The following ACOT7 variants were observed in gnomAD, a reference collection of about 807,000 sequenced individuals.
ACOT7 encodes the protein acyl-CoA thioesterase 7.
A neutral mutation model predicts 40.2 loss-of-function variants in ACOT7; 12 were observed. The ratio of observed to expected loss-of-function variants is 0.30; its 90% CI spans 0.19 to 0.48. ACOT7 has a LOEUF of 0.48. Ranked by LOEUF, ACOT7 falls within the 20% of genes least tolerant of loss-of-function variation. ACOT7 has a pLI of 0.99. For synonymous variants in ACOT7, 228 were observed against 219.5 expected (o/e 1.04, Z -0.34); for missense variants, 395 against 530.8 (o/e 0.74, Z 2.51).
intron 3 of ACOT7, among the ~76,000 whole-genome samples, chr1:6,335,662 A>C (rs1641080686): frequency 6.6e-6 from 1 of 152,184 alleles, no homozygotes; most frequent in African/African-American, 2.4e-5. Context: ...TGCCTCCCCA[A>C]GGCAAAGCGC....
At chr1:6,393,113 G>C in intron 1 of ACOT7, 144 bp downstream of exon 1, 1 of 958,494 alleles carries the variant, frequency 1.0e-6, no homozygotes, top group Non-Finnish European at 1.3e-6. Context: ...GCGGGCGTCC[G>C]GGGCGGCGGC....
chr1:6,265,542 G>A (rs962784748), intron 8 of ACOT7, among the ~76,000 whole-genome samples: 5 of 152,216 alleles, frequency 3.3e-5, no homozygotes, highest in Admixed American at 6.5e-5. Flanking sequence ...GGCCCAAGAC[G>A]GGGTTCTGCC....
chr1:6,287,022 G>A (rs978088728), intron 7 of ACOT7, among the ~76,000 whole-genome samples: 1 of 152,212 alleles, frequency 6.6e-6, no homozygotes, highest in African/African-American at 2.4e-5. Flanking sequence ...TCCTGACCTC[G>A]TGATCTGCCT....
chr1:6,305,689 C>T (rs1407969882), intron 6 of ACOT7, among the ~76,000 whole-genome samples: 1 of 151,452 alleles, frequency 6.6e-6, no homozygotes, highest in African/African-American at 2.4e-5. Context: ...GGCAGAGACG[C>T]TCCTCACTTT....
chr1:6,382,367 G>A (rs1222988593), intron 1 of ACOT7, among the ~76,000 whole-genome samples: 1 of 151,890 alleles, frequency 6.6e-6, no homozygotes. Flanking sequence ...TTGTGCCACC[G>A]CACTCCAGCC....
intron 1 of ACOT7, among the ~76,000 whole-genome samples, chr1:6,374,308 T>C (rs1328955448): frequency 6.6e-6 from 1 of 152,170 alleles, no homozygotes; most frequent in Non-Finnish European, 1.5e-5. Context: ...CAGGCACTGG[T>C]TAAAGCCCTC....
At chr1:6,389,342 C>T (rs1642495456) in intron 1 of ACOT7, among the ~76,000 whole-genome samples, 1 of 152,112 alleles carries the variant, frequency 6.6e-6, no homozygotes, top group Non-Finnish European at 1.5e-5. Context: ...AGTTATCTGC[C>T]TGCTGGGTGG....
intron 1 of ACOT7, among the ~76,000 whole-genome samples, chr1:6,373,543 G>A (rs945901113): frequency 6.6e-6 from 1 of 151,502 alleles, no homozygotes; most frequent in Non-Finnish European, 1.5e-5. Context: ...GAGCCACCAC[G>A]CCTGCCCCAA....
At position 6,284,799 on chromosome 1, in the gene ACOT7, C is replaced by G. The variant is rs144034250; in HGVS notation, c.830-3513G>C. Among the ~76,000 whole-genome samples the G allele has an allele frequency of 2.6e-4, 39 of 152,184 alleles. No individual in the cohort carries two copies. The East Asian group carries it at 7.4e-3, about 29-fold the overall frequency. On this transcript the variant is annotated intron_variant, in intron 7 of 8. Transcript: ENST00000361521. ...GCCTCTACAAGGGCCCCTAGCCTGC[C>G]CCCTGCTTTCCACACCCCACCAGAG...
intron 5 of ACOT7, among the ~76,000 whole-genome samples, chr1:6,320,571 C>T (rs745861530): frequency 1.3e-5 from 2 of 152,134 alleles, no homozygotes; most frequent in South Asian, 2.1e-4. Flanking sequence ...GGGACAGAGT[C>T]GGGGGAGGCT....
chr1:6,348,532 G>A (rs893783415), intron 2 of ACOT7, among the ~76,000 whole-genome samples: 3 of 152,138 alleles, frequency 2.0e-5, no homozygotes, highest in Non-Finnish European at 2.9e-5. Flanking sequence ...AGAGAATGGG[G>A]ACAGAGCCCT....
At chr1:6,323,016 G>A (rs1224418740) in intron 5 of ACOT7, among the ~76,000 whole-genome samples, 1 of 152,038 alleles carries the variant, frequency 6.6e-6, no homozygotes, top group Non-Finnish European at 1.5e-5. Context: ...TGTAATCTCA[G>A]CTACTTGGGA....
rs993860084 is a variant in ACOT7, at chr1:6,288,544, G to A, written c.829+6320C>T. Among the ~76,000 whole-genome samples the A allele has an allele frequency of 1.3e-5, 2 of 152,226 alleles. No individual in the cohort carries two copies. The highest frequency in any genetic ancestry group is 2.9e-5 in the Non-Finnish European group (2 of 68,038). On this transcript the variant is annotated intron_variant, in intron 7 of 8. Coordinates refer to ENST00000361521, the MANE Select transcript of ACOT7 (RefSeq NM_007274.4). This position sits in a 1 kb window ranked among gnomAD's most constrained non-coding sequence, Gnocchi z 4.3. The stretch of plus-strand genomic sequence containing the variant: ...TCACGGGGAGCCACGGAGGCTGTGA[G>A]CAGAGGAATAGCAGGTCCCTAGCGT...
intron 6 of ACOT7, among the ~76,000 whole-genome samples, chr1:6,297,099 C>T (rs1639832545): frequency 1.3e-5 from 2 of 151,984 alleles, no homozygotes; most frequent in South Asian, 4.1e-4. Flanking sequence ...AGTGCAGTGG[C>T]ACAATCTCAG....
chr1:6,265,404 A>G (rs1411337260), intron 8 of ACOT7, among the ~76,000 whole-genome samples: 4 of 152,176 alleles, frequency 2.6e-5, no homozygotes, highest in Admixed American at 2.6e-4. Flanking sequence ...TGGGAGCAAT[A>G]GGCCTGCTTT....
chr1:6,361,438 T>C (rs941931562), intron 1 of ACOT7, among the ~76,000 whole-genome samples: 3 of 152,110 alleles, frequency 2.0e-5, no homozygotes, highest in African/African-American at 7.2e-5. Context: ...TCCATTAAGG[T>C]TCACGCAGAA....
At position 6,274,021 on chromosome 1, in the gene ACOT7, GA is replaced by G. The variant is rs1297869372; in HGVS notation, c.1014+7080del. 6.6e-6 allele frequency among the ~76,000 whole-genome samples: 1 copy of G among 152,164 alleles called. No homozygotes were observed. The highest frequency in any genetic ancestry group is 2.4e-5 in the African/African-American group (1 of 41,436). On this transcript the variant is annotated intron_variant, in intron 8 of 8. Coordinates refer to ENST00000361521, the MANE Select transcript of ACOT7 (RefSeq NM_007274.4). This position sits in a 1 kb window ranked among gnomAD's most constrained non-coding sequence, Gnocchi z 5.9. The stretch of plus-strand genomic sequence containing the variant: ...CCTGGTCCGGCCTGGACACGGTCAG[GA>G]ATGGCCACCTCTGCTCCTGAGGCTT...
At chr1:6,374,525 C>T (rs1457355219) in intron 1 of ACOT7, among the ~76,000 whole-genome samples, 2 of 152,228 alleles carry the variant, frequency 1.3e-5, no homozygotes, top group Admixed American at 6.5e-5. Context: ...CTCTGCCTTG[C>T]CCAACATCCT....
In ACOT7 at chr1:6,338,720, G is replaced by A. The variant is rs527563260; in HGVS notation, c.418+713C>T. 3.6e-3 allele frequency among the ~76,000 whole-genome samples: 550 copies of A among 152,254 alleles called. 3 individuals are homozygous for A. Among genetic ancestry groups the A allele is most frequent in the African/African-American group, 0.013 (530 of 41,536 alleles). On this transcript the variant is annotated intron_variant, in intron 3 of 8. Transcript: ENST00000361521. The surrounding 1 kb of genome is among the most constrained non-coding windows in gnomAD (Gnocchi z 4.4). Reference sequence around the variant, plus strand: ...CAGGCATGGGGAAGAGGAGGAAACCGGCCCAGCCTCTCTGCATGGGAGGAC... The same window carrying A: ...CAGGCATGGGGAAGAGGAGGAAACCAGCCCAGCCTCTCTGCATGGGAGGAC...
Sources: gnomAD v4.1 joint callset for allele counts (sites outside exome capture counted in the v4.1 genomes callset) on GRCh38, gnomAD v4.1.1 for gene constraint, Gnocchi (gnomAD v3.1) non-coding constraint, MANE v1.5 for transcripts, NCBI Gene and HGNC (gene_info 2026-07-23, HGNC 2026-07-21) for gene names.